FSTL4: variants seen among roughly 807,000 people sequenced by gnomAD.
The protein encoded by FSTL4 is follistatin-related protein 4.
FSTL4 carries 28 observed loss-of-function variants against 78.2 expected under a neutral mutation model. That is an observed-to-expected ratio of 0.36 (90% CI 0.27 to 0.49). The LOEUF is 0.49. Ranked by LOEUF, FSTL4 falls within the 20% of genes least tolerant of loss-of-function variation. The pLI is 0.98. For missense variants in FSTL4, 922 were observed against 1,084.9 expected (o/e 0.85, Z 2.11); for synonymous variants, 422 against 440.5 (o/e 0.96, Z 0.53).
chr5:133,640,934 T>A, the FSTL4 span, among the ~76,000 whole-genome samples: 8 of 152,230 alleles, frequency 5.3e-5, no homozygotes, highest in South Asian at 2.1e-4. Flanking sequence ...CTTACACAAA[T>A]GGATTAAAAG....
At chr5:133,212,132 G>A (rs1422596426) in intron 13 of FSTL4, among the ~76,000 whole-genome samples, 4 of 152,146 alleles carry the variant, frequency 2.6e-5, no homozygotes, top group Non-Finnish European at 4.4e-5. Flanking sequence ...ACCTGACACT[G>A]TCTTCCTCTA....
chr5:133,515,428 T>A (rs1045947628), intron 3 of FSTL4, among the ~76,000 whole-genome samples: 2 of 151,266 alleles, frequency 1.3e-5, no homozygotes, highest in South Asian at 2.1e-4. Flanking sequence ...ACTTCCAAAA[T>A]TTTTAAAGGT....
the FSTL4 span, among the ~76,000 whole-genome samples, chr5:133,638,423 A>AACGAGGCCC: frequency 6.6e-6 from 1 of 152,188 alleles, no homozygotes; most frequent in African/African-American, 2.4e-5. Context: ...GGCCCCATGC[A>AACGAGGCCC]ACGAGGCCCC....
chr5:133,607,899 G>T (rs750519917), intron 1 of FSTL4, among the ~76,000 whole-genome samples: 1 of 148,036 alleles, frequency 6.8e-6, no homozygotes, highest in Non-Finnish European at 1.5e-5. Flanking sequence ...GAAAAAATAC[G>T]GTAGAAGGAA....
At chr5:133,642,872 G>A in the FSTL4 span, among the ~76,000 whole-genome samples, 1 of 152,228 alleles carries the variant, frequency 6.6e-6, no homozygotes, top group African/African-American at 2.4e-5. Flanking sequence ...CAAGGAGGAA[G>A]TCTTTGGCCT....
At chr5:133,531,101 A>C (rs1759242565) in intron 3 of FSTL4, among the ~76,000 whole-genome samples, 1 of 152,236 alleles carries the variant, frequency 6.6e-6, no homozygotes, top group South Asian at 2.1e-4. Flanking sequence ...GGATGGGCTC[A>C]GACACACGGA....
intron 13 of FSTL4, among the ~76,000 whole-genome samples, chr5:133,212,407 C>T (rs896098074): frequency 6.6e-6 from 1 of 152,212 alleles, no homozygotes; most frequent in Non-Finnish European, 1.5e-5. Context: ...GCCAAGAGAT[C>T]TGATCCTGGC....
the FSTL4 span, among the ~76,000 whole-genome samples, chr5:133,635,826 A>G: frequency 6.6e-6 from 1 of 152,238 alleles, no homozygotes. Flanking sequence ...TTGCAAAAAC[A>G]AAGAGTGAAA....
chr5:133,273,221 T>C (rs1438758730), intron 6 of FSTL4, among the ~76,000 whole-genome samples: 1 of 152,270 alleles, frequency 6.6e-6, no homozygotes, highest in Non-Finnish European at 1.5e-5. Flanking sequence ...AAACAGCTGA[T>C]AGTAATTTAA....
At chr5:133,462,997 C>A (rs1757628284) in intron 3 of FSTL4, among the ~76,000 whole-genome samples, 1 of 152,182 alleles carries the variant, frequency 6.6e-6, no homozygotes, top group African/African-American at 2.4e-5. Flanking sequence ...CTTCATCTTC[C>A]TTCCAAAGCC....
intron 4 of FSTL4, among the ~76,000 whole-genome samples, chr5:133,363,369 G>A (rs923176877): frequency 3.3e-5 from 5 of 151,904 alleles, no homozygotes; most frequent in South Asian, 2.1e-4. Flanking sequence ...AGTCATTTAC[G>A]GTAGCCCCCT....
At chr5:133,792,204 G>A in the FSTL4 span, among the ~76,000 whole-genome samples, 1 of 152,140 alleles carries the variant, frequency 6.6e-6, no homozygotes, top group Non-Finnish European at 1.5e-5. Flanking sequence ...ACTAAATGCA[G>A]TTGCTGCACA....
chr5:133,640,953 G>C, the FSTL4 span, among the ~76,000 whole-genome samples: 1 of 152,218 alleles, frequency 6.6e-6, no homozygotes, highest in Non-Finnish European at 1.5e-5. Flanking sequence ...AGTCCAAAAG[G>C]AGTATTGGAA....
At chr5:133,218,451 C>A (rs1404738399) in intron 12 of FSTL4, among the ~76,000 whole-genome samples, 1 of 152,178 alleles carries the variant, frequency 6.6e-6, no homozygotes, top group African/African-American at 2.4e-5. Context: ...CAAGTCAGAT[C>A]ATGTGACTCC....
intron 3 of FSTL4, among the ~76,000 whole-genome samples, chr5:133,432,065 A>C (rs1756951905): frequency 6.6e-6 from 1 of 152,190 alleles, no homozygotes; most frequent in Non-Finnish European, 1.5e-5. Flanking sequence ...AGTAAGACAG[A>C]GGGTGTAAGT....
chr5:133,742,964 T>C, the FSTL4 span, among the ~76,000 whole-genome samples: 1 of 152,194 alleles, frequency 6.6e-6, no homozygotes, highest in African/African-American at 2.4e-5. Context: ...GGTGTGACTG[T>C]TTGTGGCTTT....
intron 3 of FSTL4, among the ~76,000 whole-genome samples, chr5:133,527,153 G>A (rs192302580): frequency 6.6e-6 from 1 of 152,238 alleles, no homozygotes; most frequent in East Asian, 1.9e-4. Context: ...TACATTGCTG[G>A]AAAATGAGAG....
intron 3 of FSTL4, among the ~76,000 whole-genome samples, chr5:133,508,151 G>C (rs1242485742): frequency 6.6e-6 from 1 of 152,060 alleles, no homozygotes; most frequent in Non-Finnish European, 1.5e-5. Flanking sequence ...TGTTAAATGG[G>C]GATTAGAATA....
chr5:133,254,430 G>C (rs1752334090), intron 6 of FSTL4, among the ~76,000 whole-genome samples: 1 of 152,270 alleles, frequency 6.6e-6, no homozygotes, highest in South Asian at 2.1e-4. Flanking sequence ...TGCAGGTGTG[G>C]GACTGATTGG....
Sources: allele counts gnomAD v4.1 joint callset (sites outside exome capture counted in the v4.1 genomes callset), GRCh38; gene constraint gnomAD v4.1.1; transcripts MANE v1.5; gene names NCBI Gene and HGNC (gene_info 2026-07-23, HGNC 2026-07-21).